PLXNA4: variants seen among roughly 807,000 people sequenced by gnomAD.
PLXNA4 encodes the protein plexin-A4.
Under a neutral mutation model 191.8 loss-of-function variants are expected in PLXNA4, and 44 were observed. The ratio of observed to expected loss-of-function variants is 0.23; its 90% CI spans 0.18 to 0.29. The LOEUF (loss-of-function observed/expected upper bound fraction) is 0.29. Ranked by LOEUF, PLXNA4 falls within the 10% of genes least tolerant of loss-of-function variation. PLXNA4 has a pLI of 1.00. For synonymous variants in PLXNA4, 1,082 were observed against 1,009.5 expected (o/e 1.07, Z -1.36); for missense variants, 1,800 against 2,488.8 (o/e 0.72, Z 5.89).
At position 132,297,970 on chromosome 7, in the gene PLXNA4, T is replaced by C; in HGVS notation, c.1503+121A>G. ...TAACTGAAAAGTATAACTGAAAAGA[T>C]ACATACTACGCCAAATAAATCAAAT... is the stretch of plus-strand genomic sequence containing the variant. On this transcript the variant is annotated intron_variant, in intron 4 of 31. Coordinates refer to ENST00000321063, the MANE Select transcript of PLXNA4 (RefSeq NM_020911.2). 2.3e-6 allele frequency: 3 copies of C among 1,300,680 alleles called. No individual in the cohort carries two copies. The South Asian group carries it at 3.9e-5, about 17-fold the overall frequency. The allele number at this position is 1,300,680 out of a possible 1,614,324, so 80.6% of individuals were successfully genotyped here. A position where few individuals can be genotyped will look rare whatever the true frequency, so the allele number is the denominator to read the frequency against.
intron 7 of PLXNA4, among the ~76,000 whole-genome samples, 155 bp downstream of exon 7, chr7:132,227,296 T>C (rs907559489): frequency 1.2e-4 from 18 of 152,096 alleles, no homozygotes; most frequent in African/African-American, 4.3e-4. Context: ...GGAGATCCCA[T>C]CCCCCTCTTC....
chr7:132,263,481 G>A (rs1286548716), intron 4 of PLXNA4, among the ~76,000 whole-genome samples: 2 of 152,162 alleles, frequency 1.3e-5, no homozygotes, highest in African/African-American at 4.8e-5. Flanking sequence ...GCTTCTTTAC[G>A]GTAAAATAGG....
chr7:132,166,678 G>T (rs538669356), intron 22 of PLXNA4, among the ~76,000 whole-genome samples: 1 of 151,972 alleles, frequency 6.6e-6, no homozygotes, highest in East Asian at 2.0e-4. Flanking sequence ...GAGGGCAGAA[G>T]GAAGCAAGAG....
intron 2 of PLXNA4, among the ~76,000 whole-genome samples, chr7:132,588,418 T>C (rs1013057500): frequency 3.9e-5 from 6 of 152,128 alleles, no homozygotes; most frequent in African/African-American, 1.4e-4. Flanking sequence ...AAATGTCTCT[T>C]TGCCATTCCC....
chr7:132,624,270 T>C (rs1362185313), intron 2 of PLXNA4, among the ~76,000 whole-genome samples: 1 of 152,196 alleles, frequency 6.6e-6, no homozygotes, highest in Admixed American at 6.5e-5. Context: ...ATAATGGTAG[T>C]ACCCGTGGTG....
At chr7:132,284,353 A>G (rs970547641) in intron 4 of PLXNA4, among the ~76,000 whole-genome samples, 2 of 152,270 alleles carry the variant, frequency 1.3e-5, no homozygotes, top group Non-Finnish European at 2.9e-5. Flanking sequence ...GGCAAGGACC[A>G]GCAAGAGGTC....
At chr7:132,321,306 C>T (rs1016856890) in intron 3 of PLXNA4, among the ~76,000 whole-genome samples, 2 of 151,746 alleles carry the variant, frequency 1.3e-5, no homozygotes, top group Non-Finnish European at 2.9e-5. Flanking sequence ...ATGTCAAGCC[C>T]AGGATGTGTG....
chr7:132,242,190 G>A (rs1798903170), intron 4 of PLXNA4, among the ~76,000 whole-genome samples: 1 of 148,238 alleles, frequency 6.7e-6, no homozygotes, highest in African/African-American at 2.5e-5. Context: ...TCTTCCAGTT[G>A]GGATACCTTT....
intron 30 of PLXNA4, among the ~76,000 whole-genome samples, chr7:132,135,907 G>C (rs1456182108): frequency 6.6e-6 from 1 of 152,154 alleles, no homozygotes; most frequent in Non-Finnish European, 1.5e-5. Flanking sequence ...ACATACTATT[G>C]ACAGGTGGGC....
intron 3 of PLXNA4, among the ~76,000 whole-genome samples, chr7:132,487,118 G>A (rs886633202): frequency 6.6e-6 from 1 of 152,174 alleles, no homozygotes; most frequent in African/African-American, 2.4e-5. Flanking sequence ...TAACTGTTTT[G>A]TTATGTGCAC....
chr7:132,347,300 C>T (rs542300232), intron 3 of PLXNA4, among the ~76,000 whole-genome samples: 15 of 152,242 alleles, frequency 9.9e-5, no homozygotes, highest in African/African-American at 1.4e-4. Flanking sequence ...CCATATGAGG[C>T]GGGAAGCAGC....
chr7:132,552,994 C>T (rs1366930456), intron 1 of PLXNA4, among the ~76,000 whole-genome samples: 1 of 152,154 alleles, frequency 6.6e-6, no homozygotes, highest in Admixed American at 6.5e-5. Context: ...ATGCTTGGCT[C>T]AGGATTCTGG....
Position 132,185,364 on chromosome 7 carries a change from G to T in PLXNA4, c.3093C>A (p.Asp1031Glu). Residue 1031 changes from aspartate (D) to glutamate (E), a missense_variant, in exon 16 of 32, where the codon GAC becomes GAA. This residue lies in a region of PLXNA4 where 1,397 missense variants were observed against 1,880.4 expected (regional missense o/e 0.74). Transcript: ENST00000321063. The part of the protein sequence containing the change: ...VQVDRAKIHQ[D>E]LVFQYVEDPT... ...GGTCTTCCACATACTGAAAGACCAG[G>T]TCCTGGTGGATCTTGGCCCTGTCCA... The T allele has an allele frequency of 6.2e-7, 1 of 1,614,130 alleles. No individual in the cohort carries two copies. Among genetic ancestry groups the T allele is most frequent in the East Asian group, 2.2e-5 (1 of 44,870 alleles).
intron 3 of PLXNA4, among the ~76,000 whole-genome samples, chr7:132,481,450 C>T (rs1797332368): frequency 6.6e-6 from 1 of 152,058 alleles, no homozygotes; most frequent in African/African-American, 2.4e-5. Context: ...ACCGTGTGAC[C>T]TCTGGGGAGT....
At chr7:132,382,921 T>C (rs1301531820) in intron 3 of PLXNA4, among the ~76,000 whole-genome samples, 11 of 152,350 alleles carry the variant, frequency 7.2e-5, no homozygotes, top group Admixed American at 6.5e-4. Flanking sequence ...TTATATATTA[T>C]GTTCATGAAC....
At chr7:132,211,691 C>T (rs1797806891) in intron 9 of PLXNA4, among the ~76,000 whole-genome samples, 1 of 152,168 alleles carries the variant, frequency 6.6e-6, no homozygotes, top group African/African-American at 2.4e-5. Flanking sequence ...GGAATGGGCC[C>T]CAGAGGCCTC....
chr7:132,304,566 G>T (rs1801435321), intron 3 of PLXNA4, among the ~76,000 whole-genome samples: 1 of 152,148 alleles, frequency 6.6e-6, no homozygotes, highest in Non-Finnish European at 1.5e-5. Flanking sequence ...CACCTGAGGT[G>T]CATGTTAAAC....
chr7:132,356,077 C>T (rs930371577), intron 3 of PLXNA4, among the ~76,000 whole-genome samples: 52 of 152,076 alleles, frequency 3.4e-4, no homozygotes, highest in African/African-American at 1.1e-3. Context: ...TATCCAGTTT[C>T]GAAGAACTGC....
chr7:132,350,000 G>A (rs1209577071), intron 3 of PLXNA4, among the ~76,000 whole-genome samples: 1 of 152,122 alleles, frequency 6.6e-6, no homozygotes, highest in Non-Finnish European at 1.5e-5. Flanking sequence ...GGAAATGAAT[G>A]TGTGCTGCAG....
Sources: allele counts gnomAD v4.1 joint callset (sites outside exome capture counted in the v4.1 genomes callset), GRCh38; gene constraint gnomAD v4.1.1; regional missense constraint gnomAD v4.1.1; transcripts MANE v1.5; gene names NCBI Gene and HGNC (gene_info 2026-07-23, HGNC 2026-07-21).